Variants in SDR42E2 observed in about 807,000 individuals in gnomAD.
The protein encoded by SDR42E2 is putative short-chain dehydrogenase/reductase family 42E member 2.
A neutral mutation model predicts 10.5 loss-of-function variants in SDR42E2; 20 were observed. The ratio of observed to expected loss-of-function variants is 1.90; its 90% confidence interval spans 1.34 to 2.77. The LOEUF (loss-of-function observed/expected upper bound fraction) is 2.77. SDR42E2 is among the 30% of genes most tolerant of loss of function. The pLI is 0.00. For missense variants in SDR42E2, 162 were observed against 104.2 expected (o/e 1.55, Z -2.42); for synonymous variants, 72 against 39.2 (o/e 1.84, Z -3.12).
At chr16:22,180,639 G>A (rs761853953) in intron 8 of SDR42E2, among the ~76,000 whole-genome samples, 16 of 152,110 alleles carry the variant, frequency 1.1e-4, no homozygotes, top group Admixed American at 3.3e-4. Context: ...GGAGTTCAAG[G>A]CTGCAGTGAT....
intron 7 of SDR42E2, among the ~76,000 whole-genome samples, chr16:22,174,522 T>C (rs1189390593): frequency 2.6e-5 from 4 of 152,084 alleles, no homozygotes. Context: ...GAGCATCAAC[T>C]CTTTTCCCTA....
At chr16:22,184,144 A>G in intron 10 of SDR42E2, 37 bp from the exon 11 acceptor site, 2 of 400,844 alleles carry the variant, frequency 5.0e-6, no homozygotes, top group Non-Finnish European at 8.8e-6. Context: ...CAGCCCCTGA[A>G]CCACTTGTTC....
chr16:22,171,761 G>A (rs2046603695), intron 6 of SDR42E2, among the ~76,000 whole-genome samples: 1 of 151,972 alleles, frequency 6.6e-6, no homozygotes, highest in South Asian at 2.1e-4. Flanking sequence ...CGAACTCCTG[G>A]GCTCAATCAA....
chr16:22,174,848 T>A (rs1189899542), intron 7 of SDR42E2, among the ~76,000 whole-genome samples: 1 of 151,638 alleles, frequency 6.6e-6, no homozygotes, highest in African/African-American at 2.4e-5. Context: ...CAACCCGACC[T>A]CCCCCCACTA....
intron 1 of SDR42E2, among the ~76,000 whole-genome samples, chr16:22,163,920 G>C (rs1169586275): frequency 2.0e-5 from 3 of 152,174 alleles, no homozygotes; most frequent in Non-Finnish European, 4.4e-5. Context: ...CATGCAGCCA[G>C]TATATGCCAT....
At chr16:22,175,181 C>A (rs763072658) in intron 7 of SDR42E2, among the ~76,000 whole-genome samples, 1 of 151,982 alleles carries the variant, frequency 6.6e-6, no homozygotes, top group East Asian at 1.9e-4. Context: ...AGAAATGGGC[C>A]GGGCATGGTG....
At chr16:22,183,658 C>A (rs1014744741) in intron 10 of SDR42E2, among the ~76,000 whole-genome samples, 1 of 152,190 alleles carries the variant, frequency 6.6e-6, no homozygotes, top group African/African-American at 2.4e-5. Context: ...TTATCCCATG[C>A]CAGCCCATTT....
chr16:22,164,112 T>C (rs2046517341), intron 1 of SDR42E2, among the ~76,000 whole-genome samples: 1 of 152,056 alleles, frequency 6.6e-6, no homozygotes, highest in Non-Finnish European at 1.5e-5. Flanking sequence ...ACTGACAGCC[T>C]GGCTTGCCCT....
At chr16:22,185,406 G>A (rs571028978) in intron 11 of SDR42E2, among the ~76,000 whole-genome samples, 12 of 152,236 alleles carry the variant, frequency 7.9e-5, no homozygotes, top group East Asian at 5.8e-4. Context: ...TGGTACTCCC[G>A]GCCCTGAGCC....
chr16:22,182,141 G>A (rs945248540), intron 9 of SDR42E2, 71 bp from the exon 10 acceptor site: 1 of 408,502 alleles, frequency 2.4e-6, no homozygotes, highest in Non-Finnish European at 4.3e-6. Context: ...CAGCTGCTGG[G>A]AGCCATCTGG....
chr16:22,189,949 T>A (rs931579937), intron 12 of SDR42E2, among the ~76,000 whole-genome samples, 190 bp from the exon 13 acceptor site: 2 of 152,050 alleles, frequency 1.3e-5, no homozygotes, highest in Admixed American at 1.3e-4. Flanking sequence ...AAAATGAACA[T>A]GTAAGGAAGA....
intron 4 of SDR42E2, among the ~76,000 whole-genome samples, chr16:22,168,166 G>T (rs2046561052): frequency 6.6e-6 from 1 of 152,036 alleles, no homozygotes; most frequent in Non-Finnish European, 1.5e-5. Context: ...AGGCCAAGGT[G>T]GGAGGATTGC....
intron 1 of SDR42E2, among the ~76,000 whole-genome samples, chr16:22,164,394 A>AT (rs756516062): frequency 7.2e-4 from 109 of 152,188 alleles, no homozygotes; most frequent in Non-Finnish European, 3.1e-4. Context: ...CCCCATCTCT[A>AT]CTAAAAATGC....
At chr16:22,186,325 G>A (rs1235240801) in intron 11 of SDR42E2, among the ~76,000 whole-genome samples, 1 of 151,688 alleles carries the variant, frequency 6.6e-6, no homozygotes. Flanking sequence ...TCCTGCCTCA[G>A]CCTCCCCAGT....
At chr16:22,174,441 A>G (rs2046627571) in intron 7 of SDR42E2, among the ~76,000 whole-genome samples, 1 of 152,140 alleles carries the variant, frequency 6.6e-6, no homozygotes, top group Non-Finnish European at 1.5e-5. Context: ...TTTGAACCCC[A>G]GGAGAGTTTA....
At chr16:22,184,458 C>T (rs1468461627) in intron 11 of SDR42E2, among the ~76,000 whole-genome samples, 2 of 151,994 alleles carry the variant, frequency 1.3e-5, no homozygotes, top group African/African-American at 4.8e-5. Flanking sequence ...AAAAATCAGC[C>T]GGGTGTGGTG....
chr16:22,165,326 G>A (rs2046525454), intron 1 of SDR42E2, among the ~76,000 whole-genome samples: 1 of 152,098 alleles, frequency 6.6e-6, no homozygotes, highest in African/African-American at 2.4e-5. Flanking sequence ...GGCCTCAAGT[G>A]ATCCGCCCAC....
At chr16:22,175,111 T>C (rs891673597) in intron 7 of SDR42E2, among the ~76,000 whole-genome samples, 1 of 152,116 alleles carries the variant, frequency 6.6e-6, no homozygotes, top group Admixed American at 6.6e-5. Flanking sequence ...TCTGGGTGTG[T>C]TAGTATCCTG....
intron 5 of SDR42E2, among the ~76,000 whole-genome samples, chr16:22,170,246 C>T (rs1352034273): frequency 1.4e-5 from 2 of 147,450 alleles, no homozygotes; most frequent in South Asian, 2.2e-4. Flanking sequence ...CCCAGCTACT[C>T]GGGAGGCTGA....
Sources: allele counts gnomAD v4.1 joint callset (sites outside exome capture counted in the v4.1 genomes callset), GRCh38; gene constraint gnomAD v4.1.1; transcripts MANE v1.5; gene names NCBI Gene and HGNC (gene_info 2026-07-23, HGNC 2026-07-21).